The following DNAH11 variants were observed in gnomAD, a reference collection of about 807,000 sequenced individuals.
DNAH11 encodes axonemal beta dynein heavy chain 11.
A neutral mutation model predicts 526.0 loss-of-function variants in DNAH11; 442 were observed. The observed-to-expected ratio is 0.84, with a 90% CI of 0.78 to 0.91. The LOEUF is 0.91. DNAH11 is among the 40% of genes least tolerant of loss of function. The pLI is 0.00. For missense variants in DNAH11, 6,989 were observed against 5,448.7 expected (o/e 1.28, Z -8.90); for synonymous variants, 2,461 against 1,935.9 (o/e 1.27, Z -7.12).
At position 21,651,300 on chromosome 7, in the gene DNAH11, G is replaced by A. The variant is rs558608133; in HGVS notation, c.4945-4532G>A. Among the ~76,000 whole-genome samples the A allele has an allele frequency of 5.9e-5, 9 of 152,106 alleles. No homozygotes were observed. The South Asian group carries it at 1.7e-3, about 28-fold the overall frequency. ...ACTTAGATATAGGCAGAAAGCAAGC[G>A]GTATGGTTTGAGAATATAATTGTAA... On this transcript the variant is annotated intron_variant, in intron 28 of 81. Coordinates refer to ENST00000409508, the MANE Select transcript of DNAH11 (RefSeq NM_001277115.2).
chr7:21,771,880 G>T (rs1787451234), intron 55 of DNAH11, among the ~76,000 whole-genome samples: 1 of 151,936 alleles, frequency 6.6e-6, no homozygotes, highest in South Asian at 2.1e-4. Context: ...AAAATAACTG[G>T]AGATAAATGA....
intron 42 of DNAH11, among the ~76,000 whole-genome samples, chr7:21,712,856 G>A (rs372786377): frequency 6.6e-6 from 1 of 152,178 alleles, no homozygotes; most frequent in Non-Finnish European, 1.5e-5. Flanking sequence ...AATTAACTTA[G>A]CACTGGAATG....
At chr7:21,711,950 G>C in intron 42 of DNAH11, 90 bp downstream of exon 42, 3 of 1,432,370 alleles carry the variant, frequency 2.1e-6, no homozygotes, top group Non-Finnish European at 2.8e-6. Context: ...CATTCATGTT[G>C]TTGCACAGCT....
At chr7:21,897,292 G>T (rs1419535890) in intron 79 of DNAH11, among the ~76,000 whole-genome samples, 3 of 152,062 alleles carry the variant, frequency 2.0e-5, no homozygotes, top group African/African-American at 7.2e-5. Flanking sequence ...ATTTGCTGGT[G>T]GTTTTTCATG....
At chr7:21,736,393 G>C (rs1785612478) in intron 46 of DNAH11, among the ~76,000 whole-genome samples, 1 of 152,172 alleles carries the variant, frequency 6.6e-6, no homozygotes, top group Non-Finnish European at 1.5e-5. Flanking sequence ...GGGATGTAGA[G>C]AGGAAATCAC....
At chr7:21,568,948 C>T (rs74953516) in intron 6 of DNAH11, among the ~76,000 whole-genome samples, 18,871 of 152,098 alleles carry the variant, frequency 0.12, 2,359 homozygotes, top group African/African-American at 0.31. Flanking sequence ...CTTCACTGCC[C>T]TGAATGACTT....
At chr7:21,866,700 T>C (rs1006235749) in intron 71 of DNAH11, 37 bp downstream of exon 71, 2 of 1,568,708 alleles carry the variant, frequency 1.3e-6, no homozygotes, top group African/African-American at 2.7e-5. Context: ...ATGTATTAGT[T>C]AACATAGAGG....
intron 61 of DNAH11, among the ~76,000 whole-genome samples, chr7:21,795,450 G>GTATA (rs1788668391): frequency 1.3e-5 from 2 of 152,266 alleles, no homozygotes; most frequent in Admixed American, 1.3e-4. Context: ...ACACATCAGT[G>GTATA]TACACCTCAT....
intron 2 of DNAH11, among the ~76,000 whole-genome samples, chr7:21,555,734 C>T (rs550503168): frequency 6.6e-6 from 1 of 152,328 alleles, no homozygotes; most frequent in South Asian, 2.1e-4. Flanking sequence ...GTTGCCTCCA[C>T]TGCCTCCTGA....
chr7:21,892,994 T>G (rs997202479), intron 77 of DNAH11, among the ~76,000 whole-genome samples: 1 of 152,262 alleles, frequency 6.6e-6, no homozygotes, highest in East Asian at 1.9e-4. Flanking sequence ...TTTGTGAGAT[T>G]CATCCATGTT....
At chr7:21,627,704 G>T (rs761034508) in intron 25 of DNAH11, among the ~76,000 whole-genome samples, 1 of 152,150 alleles carries the variant, frequency 6.6e-6, no homozygotes, top group Non-Finnish European at 1.5e-5. Context: ...TTCAAAGACA[G>T]GTAGTTTGAT....
chr7:21,655,110 A>C (rs139547618), intron 28 of DNAH11, among the ~76,000 whole-genome samples: 14 of 149,376 alleles, frequency 9.4e-5, no homozygotes, highest in East Asian at 2.1e-4. Flanking sequence ...ATAGAGTTCA[A>C]TGTGCTATTT....
intron 28 of DNAH11, among the ~76,000 whole-genome samples, chr7:21,653,823 T>C (rs1188937230): frequency 1.3e-5 from 2 of 152,206 alleles, no homozygotes; most frequent in Non-Finnish European, 1.5e-5. Context: ...TAAAACTGCA[T>C]GTACAGCAAA....
At chr7:21,582,646 C>A (rs1360410911) in intron 9 of DNAH11, among the ~76,000 whole-genome samples, 3 of 152,050 alleles carry the variant, frequency 2.0e-5, no homozygotes, top group Admixed American at 6.6e-5. Flanking sequence ...TCAATAGTGT[C>A]CCCAGATGAA....
At chr7:21,757,260 A>G (rs1384614163) in intron 54 of DNAH11, among the ~76,000 whole-genome samples, 1 of 152,224 alleles carries the variant, frequency 6.6e-6, no homozygotes, top group African/African-American at 2.4e-5. Flanking sequence ...TTAAGTAACT[A>G]TAGTGATCCT....
At chr7:21,658,005 G>T (rs1033321286) in intron 29 of DNAH11, among the ~76,000 whole-genome samples, 1 of 151,884 alleles carries the variant, frequency 6.6e-6, no homozygotes, top group African/African-American at 2.4e-5. Context: ...ACTTTTTATT[G>T]CTATGGTCAA....
At chr7:21,786,518 TA>T in intron 58 of DNAH11, 105 bp from the exon 59 acceptor site, 1 of 1,379,288 alleles carries the variant, frequency 7.3e-7, no homozygotes, top group South Asian at 1.8e-5. Context: ...ACTGGTTTGA[TA>T]AGGAGAAGTG....
At chr7:21,624,752 C>G (rs1786251947) in intron 25 of DNAH11, among the ~76,000 whole-genome samples, 1 of 152,140 alleles carries the variant, frequency 6.6e-6, no homozygotes, top group African/African-American at 2.4e-5. Context: ...AAGTTTTAAT[C>G]ATGAAATGAT....
chr7:21,768,203 T>C (rs896629789), intron 55 of DNAH11, among the ~76,000 whole-genome samples: 1 of 151,934 alleles, frequency 6.6e-6, no homozygotes, highest in East Asian at 1.9e-4. Flanking sequence ...GGAGGAGGTG[T>C]GTAAGGAGGG....
Sources: allele counts gnomAD v4.1 joint callset (sites outside exome capture counted in the v4.1 genomes callset), GRCh38; gene constraint gnomAD v4.1.1; transcripts MANE v1.5; gene names NCBI Gene and HGNC (gene_info 2026-07-23, HGNC 2026-07-21).